The following HIP1 variants were observed in gnomAD, a reference collection of about 807,000 sequenced individuals.
HIP1 encodes the protein huntingtin interacting protein 1.
HIP1 carries 65 observed loss-of-function variants against 147.6 expected under a neutral mutation model. That is an observed-to-expected ratio of 0.44 (90% CI 0.36 to 0.54). The LOEUF (loss-of-function observed/expected upper bound fraction) is 0.54, where lower values mean the gene tolerates loss of function less well. Among genes scored for constraint, HIP1 ranks in the 20% least tolerant of loss-of-function variants. The pLI is 0.00. For synonymous variants in HIP1, 479 were observed against 504.0 expected (o/e 0.95, Z 0.67); for missense variants, 1,061 against 1,299.6 (o/e 0.82, Z 2.82).
chr7:75,681,253 C>T (rs1554516809), intron 1 of HIP1, among the ~76,000 whole-genome samples: 1 of 152,136 alleles, frequency 6.6e-6, no homozygotes, highest in African/African-American at 2.4e-5. Flanking sequence ...ATGCCCTGTG[C>T]ATCTGCCCCT....
intron 1 of HIP1, among the ~76,000 whole-genome samples, chr7:75,633,970 AG>A (rs1554509298): frequency 6.6e-6 from 1 of 152,070 alleles, no homozygotes. Context: ...ATAGGGCTAT[AG>A]GGAGCAGGGC....
chr7:75,690,533 G>A (rs1800412872), intron 1 of HIP1, among the ~76,000 whole-genome samples: 1 of 152,120 alleles, frequency 6.6e-6, no homozygotes, highest in South Asian at 2.1e-4. Context: ...GTGCAATGGT[G>A]TGACCACAGT....
At chr7:75,662,532 G>A (rs1012865630) in intron 1 of HIP1, among the ~76,000 whole-genome samples, 5 of 152,022 alleles carry the variant, frequency 3.3e-5, no homozygotes, top group African/African-American at 9.7e-5. Flanking sequence ...TTGAGACAGC[G>A]TCTCGCTCTG....
In HIP1 at chr7:75,592,427, A is replaced by C. The variant is rs781856469; in HGVS notation, c.272T>G (p.Leu91Arg). Residue 91 changes from leucine (L) to arginine (R), a missense_variant, in exon 3 of 31, where the codon CTC becomes CGC. Leu to Arg is a moderately radical substitution (Grantham distance 102, BLOSUM62 -2). Coordinates refer to ENST00000336926, the MANE Select transcript of HIP1 (RefSeq NM_005338.7). ...GAACACATGGCAGAACTTCCAGCAG[A>C]GCACTGCGTTGCTAGACAGAGGCAG... Reference protein sequence around the residue: ...NRLPLSSNAVLCWKFCHVFHK... With the variant: ...NRLPLSSNAVRCWKFCHVFHK... The C allele has an allele frequency of 1.2e-6, 2 of 1,612,422 alleles. No homozygotes were observed. The highest frequency in any genetic ancestry group is 1.7e-6 in the Non-Finnish European group (2 of 1,179,634).
chr7:75,549,790 C>T (rs1794712566), intron 22 of HIP1, among the ~76,000 whole-genome samples: 1 of 151,782 alleles, frequency 6.6e-6, no homozygotes, highest in South Asian at 2.1e-4. Context: ...CCACCTCTAC[C>T]ACCAGAGTAT....
Position 75,556,697 on chromosome 7 carries a change from AGG to A in HIP1, c.1683+11_1683+12del, listed in dbSNP as rs1563200456. ...GAAGACTCTATCTCCAAAAAAAAAAAGGAGGTATTTACCTGGGCAGAAGTTTC... is the reference window on the plus strand; with the variant it reads ...GAAGACTCTATCTCCAAAAAAAAAAAAGGTATTTACCTGGGCAGAAGTTTC... On this transcript the variant is annotated intron_variant, in intron 17 of 30. Coordinates refer to ENST00000336926, the MANE Select transcript of HIP1 (RefSeq NM_005338.7). 3 of 1,515,002 alleles carry A rather than the reference AGG, an allele frequency of 2.0e-6. No homozygotes were observed. Among genetic ancestry groups the A allele is most frequent in the Admixed American group, 1.8e-5 (1 of 56,404 alleles). 93.8% of individuals were successfully genotyped at this position (1,515,002 alleles called of 1,614,324 possible). A position where few individuals can be genotyped will look rare whatever the true frequency, so the allele number is the denominator to read the frequency against.
chr7:75,614,221 T>G (rs782371070), intron 1 of HIP1, among the ~76,000 whole-genome samples: 15 of 152,292 alleles, frequency 9.8e-5, no homozygotes, highest in Non-Finnish European at 2.1e-4. Flanking sequence ...AGCTAATTTT[T>G]GTAGAGACGG....
chr7:75,718,390 C>T (rs1801387205), intron 1 of HIP1, among the ~76,000 whole-genome samples: 1 of 151,828 alleles, frequency 6.6e-6, no homozygotes, highest in South Asian at 2.1e-4. Flanking sequence ...TAGCTGATTA[C>T]CTGGTTGTTT....
rs782045132 is a variant in HIP1, at chr7:75,557,702, T to C, written c.1533A>G (p.Lys511=). Residue 511 remains lysine, a synonymous_variant, in exon 16 of 31, where the codon AAA becomes AAG. Coordinates refer to ENST00000336926, the MANE Select transcript of HIP1 (RefSeq NM_005338.7). ...TGCGCTCCAACGAATCCTCCAGCTC[T>C]TTTTTCTCTCGTTCCAAATCTACCT... ...QAQVDLEREK[K]ELEDSLERIS... is the part of the protein sequence containing the mutation. The C allele has an allele frequency of 1.2e-6, 2 of 1,614,130 alleles. No homozygotes were observed. The highest frequency in any genetic ancestry group is 2.2e-5 in the East Asian group (1 of 44,886).
chr7:75,612,402 A>G (rs1797473725), intron 1 of HIP1, among the ~76,000 whole-genome samples: 1 of 152,082 alleles, frequency 6.6e-6, no homozygotes, highest in African/African-American at 2.4e-5. Context: ...CCAGCTACTC[A>G]GGAGGCTGAG....
At chr7:75,608,011 G>T (rs916756890) in intron 1 of HIP1, among the ~76,000 whole-genome samples, 5 of 152,164 alleles carry the variant, frequency 3.3e-5, no homozygotes, top group Non-Finnish European at 5.9e-5. Flanking sequence ...CTTGTGAAAA[G>T]AATGAAGGTG....
intron 1 of HIP1, among the ~76,000 whole-genome samples, chr7:75,631,902 A>G (rs1554508978): frequency 6.6e-6 from 1 of 152,032 alleles, no homozygotes; most frequent in Non-Finnish European, 1.5e-5. Flanking sequence ...AGATTGGAGT[A>G]GGGGAAAGAC....
At chr7:75,613,562 G>C (rs948435049) in intron 1 of HIP1, among the ~76,000 whole-genome samples, 1 of 152,014 alleles carries the variant, frequency 6.6e-6, no homozygotes, top group Non-Finnish European at 1.5e-5. Context: ...TCCCTAGAGG[G>C]CAAGAAATCT....
At chr7:75,547,902 G>A (rs1396807130) in intron 23 of HIP1, 89 bp from the exon 24 acceptor site, 26 of 1,214,746 alleles carry the variant, frequency 2.1e-5, no homozygotes, top group South Asian at 4.8e-5. Context: ...ACATCGTGTG[G>A]TAGCTGGGAA....
chr7:75,563,703 G>T (rs1296508043), intron 9 of HIP1, among the ~76,000 whole-genome samples: 2 of 152,092 alleles, frequency 1.3e-5, no homozygotes, highest in African/African-American at 4.8e-5. Flanking sequence ...TTTGTTTTTG[G>T]ACTATTTGTT....
intron 25 of HIP1, among the ~76,000 whole-genome samples, chr7:75,545,760 A>G (rs1794538140): frequency 6.6e-6 from 1 of 151,832 alleles, no homozygotes; most frequent in African/African-American, 2.4e-5. Context: ...CCTGTCTAAC[A>G]TGGTGAAACT....
intron 1 of HIP1, among the ~76,000 whole-genome samples, chr7:75,712,193 T>C (rs1584970633): frequency 6.6e-6 from 1 of 152,100 alleles, no homozygotes; most frequent in Admixed American, 6.6e-5. Flanking sequence ...GAAAAAAAGT[T>C]ATTTTCTTCC....
At chr7:75,668,520 T>G (rs1799627176) in intron 1 of HIP1, among the ~76,000 whole-genome samples, 1 of 152,140 alleles carries the variant, frequency 6.6e-6, no homozygotes, top group South Asian at 2.1e-4. Context: ...AGACAGGGTT[T>G]CACCATGTTG....
At chr7:75,652,123 C>T (rs1799013461) in intron 1 of HIP1, among the ~76,000 whole-genome samples, 2 of 151,492 alleles carry the variant, frequency 1.3e-5, no homozygotes, top group Non-Finnish European at 1.5e-5. Flanking sequence ...TGAGACCAGC[C>T]TGGCCAACAT....
Sources: gnomAD v4.1 joint callset for allele counts (sites outside exome capture counted in the v4.1 genomes callset) on GRCh38, gnomAD v4.1.1 for gene constraint, MANE v1.5 for transcripts, NCBI Gene and HGNC (gene_info 2026-07-23, HGNC 2026-07-21) for gene names.